ANKAR: variants seen among roughly 807,000 people sequenced by gnomAD.
The protein encoded by ANKAR is ankyrin and armadillo repeat-containing protein.
Under a neutral mutation model 146.2 loss-of-function variants are expected in ANKAR, and 136 were observed. The observed-to-expected ratio is 0.93, with a 90% CI of 0.81 to 1.07. The LOEUF (loss-of-function observed/expected upper bound fraction) is 1.07. ANKAR is among the 50% of genes least tolerant of loss of function. The pLI, the probability that ANKAR is intolerant of heterozygous loss-of-function variation, is 0.00. For synonymous variants in ANKAR, 500 were observed against 575.8 expected (o/e 0.87, Z 1.88); for missense variants, 1,567 against 1,679.9 (o/e 0.93, Z 1.18).
chr2:189,744,990 T>TCTTCTACTACTACTACTA (rs1553536976), intron 22 of ANKAR, among the ~76,000 whole-genome samples: 245 of 112,398 alleles, frequency 2.2e-3, no homozygotes, highest in African/African-American at 9.6e-3. Flanking sequence ...AAACCCCATC[T>TCTTCTACTACTACTACTA]CTACTACTAC....
At chr2:189,741,473 T>C in intron 20 of ANKAR, 22 bp downstream of exon 20, 1 of 1,539,316 alleles carries the variant, frequency 6.5e-7, no homozygotes, top group Non-Finnish European at 8.9e-7. Flanking sequence ...CAAAAACTAA[T>C]TCTAAAATTA....
intron 10 of ANKAR, among the ~76,000 whole-genome samples, chr2:189,718,697 T>C (rs2040855284): frequency 1.3e-5 from 2 of 152,108 alleles, no homozygotes; most frequent in South Asian, 4.1e-4. Context: ...TATCATTAAA[T>C]TGATGTAAGT....
At chr2:189,717,294 C>T (rs1483365887) in intron 10 of ANKAR, among the ~76,000 whole-genome samples, 1 of 152,178 alleles carries the variant, frequency 6.6e-6, no homozygotes. Context: ...ACAGACACTT[C>T]TCAAAAGAAG....
intron 12 of ANKAR, among the ~76,000 whole-genome samples, chr2:189,725,331 A>T (rs1038462715): frequency 2.0e-5 from 3 of 150,124 alleles, no homozygotes; most frequent in Admixed American, 1.3e-4. Flanking sequence ...TATGATCCAG[A>T]AGCAATGATA....
At chr2:189,724,860 AAAATT>A (rs1302804937) in intron 12 of ANKAR, among the ~76,000 whole-genome samples, 1 of 152,222 alleles carries the variant, frequency 6.6e-6, no homozygotes. Context: ...ACATAATAAA[AAAATT>A]AAATCTACAA....
chr2:189,737,640 G>A (rs1395492203), intron 17 of ANKAR, 43 bp from the exon 18 acceptor site: 1 of 1,533,628 alleles, frequency 6.5e-7, no homozygotes, highest in Non-Finnish European at 8.7e-7. Flanking sequence ...TGAGTAACAT[G>A]ATAAATGAAG....
intron 11 of ANKAR, 118 bp downstream of exon 11, chr2:189,719,931 A>C: frequency 8.6e-7 from 1 of 1,160,016 alleles, no homozygotes; most frequent in Non-Finnish European, 1.2e-6. Flanking sequence ...AGAATACAGC[A>C]GGGAAAAGGG....
intron 22 of ANKAR, among the ~76,000 whole-genome samples, chr2:189,745,027 C>CTACTACTACTACTACTAA (rs376824673): frequency 6.9e-5 from 9 of 131,116 alleles, no homozygotes; most frequent in Non-Finnish European, 9.7e-5. Context: ...ACTACTACTA[C>CTACTACTACTACTACTAA]TAATAATACA....
intron 18 of ANKAR, among the ~76,000 whole-genome samples, chr2:189,759,868 C>G (rs776400187): frequency 6.6e-6 from 1 of 152,126 alleles, no homozygotes; most frequent in East Asian, 1.9e-4. Context: ...AACATGTGAA[C>G]AAAGGTCTCT....
At chr2:189,689,422 G>A in intron 2 of ANKAR, 105 bp from the exon 3 acceptor site, 2 of 961,442 alleles carry the variant, frequency 2.1e-6, no homozygotes, top group Non-Finnish European at 3.1e-6. Flanking sequence ...TTACTGTCGT[G>A]ATAGTAGGAT....
rs151115103 is a variant in ANKAR at position 189,711,137 on chromosome 2, A to G, written c.2208A>G (p.Arg736=). ...VICLANDQYW[R]CILDAGTIPA... is the part of the protein sequence containing the mutation. ...GCTTAGCAAATGATCAATACTGGAG[A>G]TGTATTTTGGATGCAGGTGATGCAA... The change falls in exon 10 of 23, where the codon AGA becomes AGG. Residue 736 remains arginine, a synonymous_variant. Transcript: ENST00000684021. The G allele has an allele frequency of 6.2e-7, 1 of 1,611,218 alleles. No individual in the cohort carries two copies. Among genetic ancestry groups the G allele is most frequent in the African/African-American group, 1.3e-5 (1 of 74,816 alleles).
At chr2:189,754,224 T>A in intron 18 of ANKAR, 1 of 1,613,928 alleles carries the variant, frequency 6.2e-7, no homozygotes, top group South Asian at 1.1e-5. Context: ...TTTAGCATGA[T>A]GCAAGGGAGG....
At chr2:189,751,847 T>C (rs1321084664) in intron 18 of ANKAR, among the ~76,000 whole-genome samples, 2 of 151,840 alleles carry the variant, frequency 1.3e-5, no homozygotes, top group African/African-American at 4.8e-5. Context: ...CAGAATTTGA[T>C]AGTAATTTGA....
At chr2:189,748,103 T>C (rs1292364893), downstream of ANKAR, among the ~76,000 whole-genome samples, 1 of 152,224 alleles carries the variant, frequency 6.6e-6, no homozygotes, top group African/African-American at 2.4e-5. Flanking sequence ...ATTGAAAGTA[T>C]ATATTAATTA....
At chr2:189,754,101 G>T (rs1311631418) in intron 18 of ANKAR, 27 of 1,611,762 alleles carry the variant, frequency 1.7e-5, no homozygotes, top group Non-Finnish European at 2.3e-5. Context: ...GCACAATCCA[G>T]GAATATTTAT....
chr2:189,691,291 G>A (rs1330378107), intron 3 of ANKAR, among the ~76,000 whole-genome samples: 1 of 152,182 alleles, frequency 6.6e-6, no homozygotes, highest in African/African-American at 2.4e-5. Context: ...CCTGACCTCA[G>A]GTGATCCACC....
chr2:189,676,851 A>C lies in ANKAR; in HGVS notation c.361A>C (p.Ser121Arg), dbSNP rs1334917028. The change falls in exon 2 of 23, where the codon AGT (serine) becomes CGT (arginine). Residue 121 changes from serine to arginine, a missense_variant. Transcript: ENST00000684021. ...TTGCCTAAATCAAATCCCTTCCATC[A>C]GTTTAGAAGCTAATTATGATCAGAG... ...IYCLNQIPSISLEANYDQSSS... is the reference protein window; with the variant it reads ...IYCLNQIPSIRLEANYDQSSS... 1 of 1,614,092 alleles carries C rather than the reference A, an allele frequency of 6.2e-7. No homozygotes were observed. The highest frequency in any genetic ancestry group is 8.5e-7 in the Non-Finnish European group (1 of 1,180,040).
intron 18 of ANKAR, chr2:189,754,559 C>T (rs10209952): frequency 0.011 from 5,616 of 512,328 alleles, 271 homozygotes; most frequent in African/African-American, 0.099. Context: ...CCAATCACTG[C>T]CCCTGTCTAT....
intron 10 of ANKAR, among the ~76,000 whole-genome samples, chr2:189,717,092 G>A (rs1391809901): frequency 6.6e-6 from 1 of 152,070 alleles, no homozygotes; most frequent in Non-Finnish European, 1.5e-5. Flanking sequence ...AGACAAATGG[G>A]ATCTAATTAA....
Sources: gnomAD v4.1 joint callset for allele counts (sites outside exome capture counted in the v4.1 genomes callset) on GRCh38, gnomAD v4.1.1 for gene constraint, MANE v1.5 for transcripts, NCBI Gene and HGNC (gene_info 2026-07-23, HGNC 2026-07-21) for gene names.